PTGR1: variants seen among roughly 807,000 people sequenced by gnomAD.
PTGR1 encodes 15-oxoprostaglandin 13-reductase.
PTGR1 carries 23 observed loss-of-function variants against 37.7 expected under a neutral mutation model. The ratio of observed to expected loss-of-function variants is 0.61; its 90% CI spans 0.44 to 0.86. The LOEUF (loss-of-function observed/expected upper bound fraction) is 0.86, where lower values mean the gene tolerates loss of function less well. PTGR1 is among the 40% of genes least tolerant of loss of function. PTGR1 has a pLI of 0.00. For synonymous variants in PTGR1, 134 were observed against 140.0 expected (o/e 0.96, Z 0.30); for missense variants, 351 against 394.3 (o/e 0.89, Z 0.93).
chr9:111,574,736 G>A lies in PTGR1; in HGVS notation c.758C>T (p.Pro253Leu), dbSNP rs1161688862. Reference protein sequence around the residue: ...STYNRTGPLPPGPPPEIVIYQ... With the variant: ...STYNRTGPLPLGPPPEIVIYQ... ...GATCGTGTGCATGTGCTCATTACCT[G>A]GGGGAAGTGGGCCGGTTCTGTTATA... The change falls in exon 8 of 10, where the codon CCA becomes CTA. Residue 253 changes from proline to leucine, a missense_variant and splice_region_variant. Transcript: ENST00000407693. The A allele has an allele frequency of 1.2e-6, 2 of 1,609,306 alleles. No homozygotes were observed. Among genetic ancestry groups the A allele is most frequent in the South Asian group, 1.1e-5 (1 of 90,634 alleles).
rs139161498 is a variant in PTGR1 at position 111,552,050 on chromosome 9, C to T, written c.880-2251G>A. Among the ~76,000 whole-genome samples the T allele has an allele frequency of 2.4e-3, 365 of 152,282 alleles. 5 individuals carry two copies. Among genetic ancestry groups the T allele is most frequent in the African/African-American group, 7.8e-3 (323 of 41,554 alleles). On this transcript the variant is annotated intron_variant, in intron 9 of 9. Transcript: ENST00000538962. ...TTCTTTTACCTGTCTAGCCAGGTCA[C>T]AAGTTTTTCCCATTTTAGGAGCTTC... is the stretch of plus-strand genomic sequence containing the variant.
chr9:111,592,713 A>T, intron 4 of PTGR1: 1 of 574,662 alleles, frequency 1.7e-6, no homozygotes, highest in Non-Finnish European at 2.8e-6. Flanking sequence ...TAAGGATGGC[A>T]AAGTGAAGCT....
At chr9:111,585,194 C>T (rs1158647188) in intron 5 of PTGR1, among the ~76,000 whole-genome samples, 1 of 152,218 alleles carries the variant, frequency 6.6e-6, no homozygotes, top group Non-Finnish European at 1.5e-5. Flanking sequence ...AAATATCTAA[C>T]ATGCATTCCT....
At chr9:111,584,349 A>G (rs1298447314) in intron 5 of PTGR1, among the ~76,000 whole-genome samples, 1 of 152,230 alleles carries the variant, frequency 6.6e-6, no homozygotes, top group South Asian at 2.1e-4. Context: ...GAGAATAGAG[A>G]GGAAGAGCTC....
rs58142522 is a variant in PTGR1, at chr9:111,592,986, C to CAAAAAAAAAAAAAAAAAAAAAAAAA, written c.153-29_153-5dup. The stretch of plus-strand genomic sequence containing the variant: ...CTTCAATCTTTTGGCTGCCACTCTG[C>CAAAAAAAAAAAAAAAAAAAAAAAAA]AAAAAAAAAAAAAAAAAAAAAAAAA... On this transcript the variant is annotated splice_polypyrimidine_tract_variant and splice_region_variant and intron_variant, in intron 3 of 9. Transcript: ENST00000407693. 5.2e-6 allele frequency: 5 copies of CAAAAAAAAAAAAAAAAAAAAAAAAA among 961,396 alleles called. No homozygotes were observed. Among genetic ancestry groups the CAAAAAAAAAAAAAAAAAAAAAAAAA allele is most frequent in the Admixed American group, 5.8e-5 (1 of 17,220 alleles). 59.6% of individuals were successfully genotyped at this position (961,396 alleles called of 1,614,324 possible).
intron 4 of PTGR1, among the ~76,000 whole-genome samples, chr9:111,591,370 CTTTTTTT>C (rs756079285): frequency 2.5e-5 from 3 of 122,074 alleles, no homozygotes; most frequent in African/African-American, 1.0e-4. Context: ...TTTTCTTTTT[CTTTTTTT>C]TTTTTTTTTT....
chr9:111,556,222 T>A (rs1828116277), intron 9 of PTGR1, among the ~76,000 whole-genome samples: 1 of 152,246 alleles, frequency 6.6e-6, no homozygotes, highest in Non-Finnish European at 1.5e-5. Flanking sequence ...ATCTAGGGCA[T>A]GCTGATGCAA....
intron 9 of PTGR1, among the ~76,000 whole-genome samples, chr9:111,556,212 A>C (rs957391637): frequency 1.3e-5 from 2 of 152,222 alleles, no homozygotes; most frequent in Non-Finnish European, 2.9e-5. Context: ...CATGTCTCAC[A>C]TCTAGGGCAT....
intron 5 of PTGR1, 61 bp downstream of exon 5, chr9:111,585,937 C>T: frequency 6.3e-7 from 1 of 1,589,870 alleles, no homozygotes; most frequent in Non-Finnish European, 8.6e-7. Context: ...TCTGAACAAA[C>T]CATTTTGGAA....
At chr9:111,568,561 T>G (rs945957901) in intron 9 of PTGR1, among the ~76,000 whole-genome samples, 7 of 152,212 alleles carry the variant, frequency 4.6e-5, no homozygotes, top group African/African-American at 1.7e-4. Flanking sequence ...ATGTGATCTT[T>G]GTTCTGCCTT....
intron 2 of PTGR1, among the ~76,000 whole-genome samples, chr9:111,596,926 C>CA (rs71494900): frequency 0.17 from 15,265 of 90,568 alleles, 1,368 homozygotes; most frequent in East Asian, 0.24. Context: ...GACTCTGTCT[C>CA]AAAAAAAAAA....
chr9:111,581,361 GTTC>G (rs1055631740), intron 6 of PTGR1, among the ~76,000 whole-genome samples: 35 of 152,124 alleles, frequency 2.3e-4, no homozygotes, highest in African/African-American at 7.0e-4. Flanking sequence ...GAAGAAAACT[GTTC>G]TTCATCTGAA....
chr9:111,566,508 T>C (rs562341571), intron 9 of PTGR1, among the ~76,000 whole-genome samples: 1 of 152,360 alleles, frequency 6.6e-6, no homozygotes, highest in South Asian at 2.1e-4. Flanking sequence ...GATGTCATTT[T>C]TCCCCTGTAA....
intron 4 of PTGR1, chr9:111,592,658 A>T (rs1829654348): frequency 2.9e-6 from 1 of 341,518 alleles, no homozygotes; most frequent in Non-Finnish European, 5.1e-6. Context: ...TCCCGCAATA[A>T]ATCATGACCT....
intron 9 of PTGR1, among the ~76,000 whole-genome samples, chr9:111,566,931 A>T (rs1345833650): frequency 6.6e-6 from 1 of 152,114 alleles, no homozygotes; most frequent in Non-Finnish European, 1.5e-5. Flanking sequence ...TACGAAAAAC[A>T]CAAAAAAACT....
intron 3 of PTGR1, among the ~76,000 whole-genome samples, chr9:111,593,552 G>A (rs1829684684): frequency 1.3e-5 from 2 of 152,172 alleles, no homozygotes; most frequent in Admixed American, 6.5e-5. Flanking sequence ...GTCAACCACA[G>A]ATTCACCTAC....
intron 9 of PTGR1, among the ~76,000 whole-genome samples, chr9:111,554,805 A>G (rs748172109): frequency 3.3e-5 from 5 of 152,202 alleles, no homozygotes; most frequent in Non-Finnish European, 7.3e-5. Context: ...AACTTTGAAT[A>G]AGGGGAGACC....
intron 7 of PTGR1, chr9:111,577,305 C>G (rs1168086854): frequency 2.0e-5 from 3 of 152,068 alleles, no homozygotes; most frequent in African/African-American, 4.8e-5. Context: ...AAAAGACAGA[C>G]AATAGCACGT....
intron 3 of PTGR1, 132 bp downstream of exon 3, chr9:111,594,089 TC>T: frequency 1.0e-6 from 1 of 954,426 alleles, no homozygotes; most frequent in South Asian, 1.4e-5. Flanking sequence ...ATGAATCTTA[TC>T]ACTGATACTG....
Sources: gnomAD v4.1 joint callset for allele counts (sites outside exome capture counted in the v4.1 genomes callset) on GRCh38, gnomAD v4.1.1 for gene constraint, MANE v1.5 for transcripts, NCBI Gene and HGNC (gene_info 2026-07-23, HGNC 2026-07-21) for gene names.